The following PALM2AKAP2 variants were observed in gnomAD, a reference collection of about 807,000 sequenced individuals.
PALM2AKAP2 encodes the protein PALM2 and AKAP2 fusion, also known as PALM2-AKAP2 fusion protein.
PALM2AKAP2 carries 37 observed loss-of-function variants against 71.5 expected under a neutral mutation model. The ratio of observed to expected loss-of-function variants is 0.52; its 90% CI spans 0.40 to 0.68. The LOEUF (loss-of-function observed/expected upper bound fraction) is 0.68. Among genes scored for constraint, PALM2AKAP2 ranks in the 30% least tolerant of loss-of-function variants. The probability of loss-of-function intolerance (pLI) is 0.00; values close to 1 mark genes in which losing one functional copy is unlikely to be tolerated. For synonymous variants in PALM2AKAP2, 468 were observed against 478.8 expected (o/e 0.98, Z 0.29); for missense variants, 1,224 against 1,191.8 (o/e 1.03, Z -0.40).
At position 109,676,207 on chromosome 9, in the gene PALM2AKAP2, A is replaced by G. The variant is rs1281831474; in HGVS notation, c.5+35341A>G. Among the ~76,000 whole-genome samples, 4 of 152,170 alleles carry G rather than the reference A, an allele frequency of 2.6e-5. No individual in the cohort carries two copies. In the East Asian group the frequency reaches 5.8e-4, roughly 22 times the overall value. ...CCTCACGCTCTGCTCCTTCATCTGTATTATTCAAAAAATTGGGCAGCTTTA... is the reference window on the plus strand; with the variant it reads ...CCTCACGCTCTGCTCCTTCATCTGTGTTATTCAAAAAATTGGGCAGCTTTA... On this transcript the variant is annotated intron_variant, in intron 1 of 6. Transcript: ENST00000374531.
chr9:109,983,219 T>C (rs79023862), intron 6 of PALM2AKAP2, among the ~76,000 whole-genome samples: 2,228 of 152,296 alleles, frequency 0.015, 33 homozygotes, highest in South Asian at 0.033. Flanking sequence ...AAACCTAAAT[T>C]GTTTTCCTTG....
chr9:109,700,661 A>G (rs906438728), intron 1 of PALM2AKAP2, among the ~76,000 whole-genome samples: 6 of 152,212 alleles, frequency 3.9e-5, no homozygotes, highest in Non-Finnish European at 8.8e-5. Flanking sequence ...CTCACTGGAA[A>G]GCTTGGGCTC....
intron 1 of PALM2AKAP2, among the ~76,000 whole-genome samples, chr9:109,648,496 A>G (rs1419897367): frequency 2.6e-5 from 4 of 152,242 alleles, no homozygotes; most frequent in Non-Finnish European, 4.4e-5. Context: ...TACATATATT[A>G]CATATATACT....
chr9:110,132,928 T>C (rs12343272), intron 1 of PALM2AKAP2, among the ~76,000 whole-genome samples: 3,085 of 152,316 alleles, frequency 0.02, 92 homozygotes, highest in African/African-American at 0.071. Flanking sequence ...ACTAGCATAT[T>C]TTAAAATCTC....
At chr9:110,145,188 C>A (rs1417138436) in intron 2 of PALM2AKAP2, among the ~76,000 whole-genome samples, 1 of 152,126 alleles carries the variant, frequency 6.6e-6, no homozygotes, top group East Asian at 1.9e-4. Flanking sequence ...ATTTGACTCT[C>A]AGGGGCCATG....
intron 1 of PALM2AKAP2, among the ~76,000 whole-genome samples, chr9:109,836,538 T>C (rs1248427036): frequency 1.3e-5 from 2 of 152,206 alleles, no homozygotes; most frequent in Non-Finnish European, 2.9e-5. Context: ...AGAATGACTT[T>C]GATGAGTTGA....
chr9:109,711,127 C>G (rs1366873878), intron 1 of PALM2AKAP2, among the ~76,000 whole-genome samples: 2 of 151,578 alleles, frequency 1.3e-5, no homozygotes, highest in Non-Finnish European at 1.5e-5. Context: ...CATTGTTGCC[C>G]TTGCCAGACA....
chr9:110,018,301 CT>C (rs1833017459), intron 7 of PALM2AKAP2, among the ~76,000 whole-genome samples: 1 of 152,140 alleles, frequency 6.6e-6, no homozygotes, highest in South Asian at 2.1e-4. Flanking sequence ...ATACCATACA[CT>C]TTAAATAGTT....
At chr9:109,912,799 T>A (rs1156394075) in intron 3 of PALM2AKAP2, among the ~76,000 whole-genome samples, 1 of 152,180 alleles carries the variant, frequency 6.6e-6, no homozygotes, top group Non-Finnish European at 1.5e-5. Flanking sequence ...GGTCAGATAA[T>A]CACATCTCAG....
At chr9:110,137,205 T>G in exon 2 of PALM2AKAP2, 1 of 1,614,112 alleles carries the variant, frequency 6.2e-7, no homozygotes, top group Non-Finnish European at 8.5e-7. Flanking sequence ...CAGATAGATT[T>G]CTCTGCTGCT....
chr9:109,854,694 A>G (rs1360414255), intron 1 of PALM2AKAP2, among the ~76,000 whole-genome samples: 1 of 146,932 alleles, frequency 6.8e-6, no homozygotes, highest in Non-Finnish European at 1.5e-5. Context: ...GTACACATGC[A>G]TTTACTTTTT....
At chr9:109,640,902 C>G (rs1389128913) in intron 1 of PALM2AKAP2, 17 of 1,506,498 alleles carry the variant, frequency 1.1e-5, no homozygotes, top group African/African-American at 4.3e-5. Context: ...AGCTGCTCTC[C>G]TCTCGGCATG....
intron 1 of PALM2AKAP2, among the ~76,000 whole-genome samples, chr9:109,690,355 A>G (rs1348359134): frequency 6.6e-6 from 1 of 152,220 alleles, no homozygotes; most frequent in Non-Finnish European, 1.5e-5. Context: ...TTGGCTAAAA[A>G]GGGAGGTTGA....
chr9:109,934,191 G>A (rs1190044032), intron 6 of PALM2AKAP2, among the ~76,000 whole-genome samples: 1 of 152,156 alleles, frequency 6.6e-6, no homozygotes, highest in Non-Finnish European at 1.5e-5. Context: ...TAGCAGCCCT[G>A]TGAAGAGGTC....
At chr9:110,122,484 AG>A (rs149694880) in intron 1 of PALM2AKAP2, among the ~76,000 whole-genome samples, 18 of 152,258 alleles carry the variant, frequency 1.2e-4, no homozygotes, top group South Asian at 4.1e-4. Flanking sequence ...GGATGACCCT[AG>A]GGGGTAGGTG....
chr9:110,111,083 C>CTTTTTTTTTTTTTTTTTTTTTTTTT (rs1835238688), intron 1 of PALM2AKAP2, among the ~76,000 whole-genome samples: 1 of 104,232 alleles, frequency 9.6e-6, no homozygotes, highest in South Asian at 3.2e-4. Flanking sequence ...TTCTTTCTTT[C>CTTTTTTTTTTTTTTTTTTTTTTTTT]TTCTTTTTTT....
chr9:110,035,599 TATGTTGTGTGTTATATATA>T lies in PALM2AKAP2; in HGVS notation c.582+19562_582+19580del. Among the ~76,000 whole-genome samples, 3 of 139,260 alleles carry T rather than the reference TATGTTGTGTGTTATATATA, an allele frequency of 2.2e-5. No homozygotes were observed. In the South Asian group the frequency reaches 6.8e-4, roughly 32 times the overall value. 91.4% of individuals were successfully genotyped at this position (139,260 alleles called of 152,430 possible). On this transcript the variant is annotated intron_variant, in intron 7 of 9. Coordinates refer to the PALM2AKAP2 transcript ENST00000302798. ...TGTGTTATATATAACATATATAGGATATGTTGTGTGTTATATATAACATATATAGGATATGTTGTGTGTT... is the reference window on the plus strand; with the variant it reads ...TGTGTTATATATAACATATATAGGATACATATATAGGATATGTTGTGTGTT...
chr9:110,132,412 A>G (rs1346596116), intron 1 of PALM2AKAP2, among the ~76,000 whole-genome samples: 2 of 151,534 alleles, frequency 1.3e-5, no homozygotes. Context: ...CCAGGCTGGA[A>G]TGCTCCAACT....
At chr9:109,765,875 C>T (rs1452734583) in intron 1 of PALM2AKAP2, among the ~76,000 whole-genome samples, 1 of 152,020 alleles carries the variant, frequency 6.6e-6, no homozygotes, top group African/African-American at 2.4e-5. Context: ...CCTCCTGAGC[C>T]TGAGATGCAA....
Sources: gnomAD v4.1 joint callset for allele counts (sites outside exome capture counted in the v4.1 genomes callset) on GRCh38, gnomAD v4.1.1 for gene constraint, MANE v1.5 for transcripts, NCBI Gene and HGNC (gene_info 2026-07-23, HGNC 2026-07-21) for gene names.